The following CNTNAP4 variants were observed in gnomAD, a reference collection of about 807,000 sequenced individuals.
The protein encoded by CNTNAP4 is contactin associated protein family member 4, also known as contactin-associated protein-like 4.
Under a neutral mutation model 148.4 loss-of-function variants are expected in CNTNAP4, and 98 were observed. That is an observed-to-expected ratio of 0.66 (90% CI 0.56 to 0.78). The LOEUF is 0.78. CNTNAP4 is among the 30% of genes least tolerant of loss of function. The pLI, the probability that CNTNAP4 is intolerant of heterozygous loss-of-function variation, is 0.00. For synonymous variants in CNTNAP4, 730 were observed against 565.1 expected (o/e 1.29, Z -4.14); for missense variants, 1,935 against 1,565.6 (o/e 1.24, Z -3.98).
Position 76,552,848 on chromosome 16 carries a change from TTC to T in CNTNAP4, c.3443-429_3443-428del, listed in dbSNP as rs534792743. Among the ~76,000 whole-genome samples, 26 of 152,298 alleles carry T rather than the reference TTC, an allele frequency of 1.7e-4. No homozygotes were observed. The Middle Eastern group carries it at 0.01, about 60-fold the overall frequency. ...ATAACAGAAGTCCAGAGGCTCAATTTTCTCTCTAGTTTCTGTTACTTTCAGGG... is the reference window on the plus strand; with the variant it reads ...ATAACAGAAGTCCAGAGGCTCAATTTTCTCTAGTTTCTGTTACTTTCAGGG... On this transcript the variant is annotated intron_variant, in intron 21 of 23. Transcript: ENST00000611870.
Position 76,494,972 on chromosome 16 carries a change from T to C in CNTNAP4, c.2143T>C (p.Ser715Pro). ...TNETQTYWGG[S>P]SPDLQKCTCG... ...TGAAACGCAAACCTACTGGGGAGGT[T>C]CTTCGCCTGATCTTCAAAAATGTAC... Residue 715 changes from serine to proline, a missense_variant, in exon 14 of 24, where the codon TCT becomes CCT. Ser to Pro is a moderately conservative substitution (Grantham distance 74). Coordinates refer to ENST00000611870, the MANE Select transcript of CNTNAP4 (RefSeq NM_033401.5). The C allele has an allele frequency of 1.2e-5, 20 of 1,613,704 alleles. No individual in the cohort carries two copies. The highest frequency in any genetic ancestry group is 1.7e-5 in the Non-Finnish European group (20 of 1,179,670).
At chr16:76,502,018 G>A (rs182130879) in intron 15 of CNTNAP4, among the ~76,000 whole-genome samples, 15 of 151,210 alleles carry the variant, frequency 9.9e-5, no homozygotes, top group East Asian at 3.9e-4. Flanking sequence ...GCAGTGAGCC[G>A]AGATCCCGCC....
At chr16:76,541,137 T>G (rs941858029) in intron 21 of CNTNAP4, among the ~76,000 whole-genome samples, 1 of 152,200 alleles carries the variant, frequency 6.6e-6, no homozygotes, top group Non-Finnish European at 1.5e-5. Flanking sequence ...ATATACAAAC[T>G]TTCCTCTAAT....
At chr16:76,414,943 T>C (rs1044382604) in intron 3 of CNTNAP4, among the ~76,000 whole-genome samples, 4 of 143,186 alleles carry the variant, frequency 2.8e-5, no homozygotes, top group Admixed American at 1.4e-4. Context: ...AACGTTCTTT[T>C]CAAAAACCAA....
In CNTNAP4 at chr16:76,475,988, A is replaced by G. The variant is rs1387787338; in HGVS notation, c.1705A>G (p.Ser569Gly). 1.2e-6 allele frequency: 2 copies of G among 1,613,944 alleles called. No individual in the cohort carries two copies. The highest frequency in any genetic ancestry group is 2.2e-5 in the South Asian group (2 of 91,076). ...CGGTGGGGAGTGTTCCCAGTCCTGG[A>G]GCACCTTTCATTGTAACTGTACCAA... ...EHGGECSQSWSTFHCNCTNTG... is the reference protein window; with the variant it reads ...EHGGECSQSWGTFHCNCTNTG... Residue 569 changes from serine to glycine, a missense_variant, in exon 11 of 24, where the codon AGC (serine) becomes GGC (glycine). Ser to Gly is a moderately conservative substitution (Grantham distance 56). Transcript: ENST00000611870.
intron 2 of CNTNAP4, among the ~76,000 whole-genome samples, chr16:76,331,424 G>A (rs574420555): frequency 4.6e-5 from 7 of 151,528 alleles, no homozygotes; most frequent in Admixed American, 2.6e-4. Context: ...TCCTGACCTC[G>A]TGATCCACCT....
chr16:76,303,796 C>G (rs1036047431), intron 1 of CNTNAP4, among the ~76,000 whole-genome samples: 1 of 152,092 alleles, frequency 6.6e-6, no homozygotes, highest in African/African-American at 2.4e-5. Context: ...AAAATTATTT[C>G]ATAATGAGAA....
At chr16:76,459,749 C>T (rs2080869050) in intron 8 of CNTNAP4, among the ~76,000 whole-genome samples, 1 of 152,200 alleles carries the variant, frequency 6.6e-6, no homozygotes, top group Non-Finnish European at 1.5e-5. Flanking sequence ...TCTGCAGAAT[C>T]ACACAGAGTT....
In CNTNAP4 at chr16:76,398,670, C is replaced by T. The variant is rs566523503; in HGVS notation, c.391-28782C>T. Among the ~76,000 whole-genome samples the T allele has an allele frequency of 9.9e-5, 15 of 152,118 alleles. No homozygotes were observed. The South Asian group carries it at 1.0e-3, about 11-fold the overall frequency. On this transcript the variant is annotated intron_variant, in intron 3 of 23. Transcript: ENST00000611870. ...AAAGAGTTATAACAGTGTACACTCC[C>T]ACCATCAATACGTGAGTTCCTATAT...
At chr16:76,422,439 T>C (rs1227944774) in intron 3 of CNTNAP4, among the ~76,000 whole-genome samples, 4 of 152,190 alleles carry the variant, frequency 2.6e-5, no homozygotes, top group Non-Finnish European at 4.4e-5. Context: ...AGTCAGCTGG[T>C]GGAGCTGAGT....
chr16:76,387,179 A>T (rs2016584413), intron 3 of CNTNAP4, among the ~76,000 whole-genome samples: 1 of 152,216 alleles, frequency 6.6e-6, no homozygotes, highest in Non-Finnish European at 1.5e-5. Flanking sequence ...GCAATTTGGT[A>T]CACTCCATGC....
At chr16:76,306,312 A>T (rs779517378) in intron 1 of CNTNAP4, among the ~76,000 whole-genome samples, 1 of 152,100 alleles carries the variant, frequency 6.6e-6, no homozygotes, top group Non-Finnish European at 1.5e-5. Context: ...GTTGGTTTTG[A>T]TATTTTTCTG....
In CNTNAP4 at chr16:76,489,997, T is replaced by G. The variant is rs555701346; in HGVS notation, c.2080+114T>G. On this transcript the variant is annotated intron_variant, in intron 13 of 23. Coordinates refer to ENST00000611870, the MANE Select transcript of CNTNAP4 (RefSeq NM_033401.5). The stretch of plus-strand genomic sequence containing the variant: ...GTGGTGTCTAGCCACTGAGGGTATA[T>G]GATCTCACATACTTAGTAAACATGT... 3.7e-3 allele frequency: 2,004 copies of G among 539,020 alleles called. 17 individuals carry two copies. The highest frequency in any genetic ancestry group is 0.019 in the South Asian group (406 of 21,314). The allele number at this position is 539,020 out of a possible 1,614,324, so 33.4% of individuals were successfully genotyped here.
At chr16:76,490,949 C>T (rs1215128130) in intron 13 of CNTNAP4, among the ~76,000 whole-genome samples, 1 of 152,002 alleles carries the variant, frequency 6.6e-6, no homozygotes, top group African/African-American at 2.4e-5. Context: ...GAGAGAATGA[C>T]AAAAATTTAA....
At chr16:76,339,648 G>A (rs1184429575) in intron 2 of CNTNAP4, among the ~76,000 whole-genome samples, 1 of 152,148 alleles carries the variant, frequency 6.6e-6, no homozygotes, top group Non-Finnish European at 1.5e-5. Context: ...TTATGGGAAA[G>A]ACAAAGCTCT....
intron 3 of CNTNAP4, among the ~76,000 whole-genome samples, chr16:76,363,261 C>A (rs200293109): frequency 6.6e-6 from 1 of 150,436 alleles, no homozygotes; most frequent in East Asian, 2.0e-4. Context: ...CTCCTGGGTT[C>A]AAGTGATTCT....
At chr16:76,455,335 T>C (rs1440165568) in intron 8 of CNTNAP4, among the ~76,000 whole-genome samples, 3 of 152,230 alleles carry the variant, frequency 2.0e-5, no homozygotes, top group Non-Finnish European at 2.9e-5. Flanking sequence ...CCATGCCTCT[T>C]GTCCCCATGG....
intron 2 of CNTNAP4, among the ~76,000 whole-genome samples, chr16:76,317,153 T>C (rs1297433672): frequency 6.6e-6 from 1 of 150,732 alleles, no homozygotes; most frequent in African/African-American, 2.4e-5. Flanking sequence ...GTCCCAGCTA[T>C]GGCTGAAGCA....
chr16:76,289,010 C>G (rs1008866115), intron 1 of CNTNAP4, among the ~76,000 whole-genome samples: 4 of 152,112 alleles, frequency 2.6e-5, no homozygotes, highest in African/African-American at 7.2e-5. Context: ...TACATATTCT[C>G]CTGGTCAACC....
Sources: gnomAD v4.1 joint callset for allele counts (sites outside exome capture counted in the v4.1 genomes callset) on GRCh38, gnomAD v4.1.1 for gene constraint, MANE v1.5 for transcripts, NCBI Gene and HGNC (gene_info 2026-07-23, HGNC 2026-07-21) for gene names.